Variants in IMPA1 observed in about 807,000 individuals in gnomAD.
IMPA1 encodes the protein inositol monophosphatase 1.
A neutral mutation model predicts 34.9 loss-of-function variants in IMPA1; 21 were observed. The ratio of observed to expected loss-of-function variants is 0.60; its 90% CI spans 0.43 to 0.87. The LOEUF is 0.87. Among genes scored for constraint, IMPA1 ranks in the 40% least tolerant of loss-of-function variants. IMPA1 has a pLI of 0.00. For synonymous variants in IMPA1, 95 were observed against 104.4 expected, an observed-to-expected ratio of 0.91 and a Z score of 0.55; for missense variants, 299 against 336.4, an observed-to-expected ratio of 0.89 and a Z score of 0.87.
chr8:81,669,304 T>C (rs1160954022), intron 7 of IMPA1, among the ~76,000 whole-genome samples: 6 of 152,128 alleles, frequency 3.9e-5, no homozygotes, highest in Non-Finnish European at 8.8e-5. Context: ...ACCAGCAGCA[T>C]GCAAGGTACA....
At chr8:81,686,158 C>T in intron 1 of IMPA1, 94 bp downstream of exon 1, 3 of 912,598 alleles carry the variant, frequency 3.3e-6, no homozygotes, top group Non-Finnish European at 4.2e-6. Flanking sequence ...GCGCACGGCG[C>T]TCGCGCCCGC....
In IMPA1 at chr8:81,658,157, G is replaced by A. The variant is rs866584681; in HGVS notation, c.*1194C>T. 7 of 152,162 alleles carry A rather than the reference G, an allele frequency of 4.6e-5. No homozygotes were observed. The highest frequency in any genetic ancestry group is 7.2e-5 in the African/African-American group (3 of 41,530). 9.4% of individuals were successfully genotyped at this position (152,162 alleles called of 1,614,324 possible). A position where few individuals can be genotyped will look rare whatever the true frequency, so the allele number is the denominator to read the frequency against. On this transcript the variant is annotated 3_prime_UTR_variant, in exon 9 of 9. Coordinates refer to ENST00000256108, the MANE Select transcript of IMPA1 (RefSeq NM_005536.4). ...CACTCCCTACCTTGAAAACTTTACAGAAGCATTTTTAATTTTACAACACAA... is the reference window on the plus strand; with the variant it reads ...CACTCCCTACCTTGAAAACTTTACAAAAGCATTTTTAATTTTACAACACAA...
intron 5 of IMPA1, among the ~76,000 whole-genome samples, chr8:81,675,660 A>G (rs993573648): frequency 4.6e-5 from 7 of 152,198 alleles, no homozygotes; most frequent in Non-Finnish European, 1.5e-5. Context: ...ATAGGTAGGT[A>G]AAATGTTAGT....
chr8:81,674,836 T>C lies in IMPA1; in HGVS notation c.349-887A>G, dbSNP rs984610583. Reference sequence around the variant, plus strand: ...GAAGAACCTACGGTTCCAAACCTAGTCTTGCAGAATTTCAAAGACAAAATC... The same window carrying C: ...GAAGAACCTACGGTTCCAAACCTAGCCTTGCAGAATTTCAAAGACAAAATC... On this transcript the variant is annotated intron_variant, in intron 5 of 8. Coordinates refer to ENST00000256108, the MANE Select transcript of IMPA1 (RefSeq NM_005536.4). 26 of 455,638 alleles carry C rather than the reference T, an allele frequency of 5.7e-5. No individual in the cohort carries two copies. The East Asian group carries it at 1.7e-3, about 29-fold the overall frequency. 28.2% of individuals were successfully genotyped at this position (455,638 alleles called of 1,614,324 possible).
chr8:81,660,815 TA>T, intron 7 of IMPA1, 148 bp from the exon 8 acceptor site: 1 of 474,816 alleles, frequency 2.1e-6, no homozygotes, highest in Non-Finnish European at 3.7e-6. Context: ...AATTGTAAAA[TA>T]AAAATATGTA....
intron 7 of IMPA1, among the ~76,000 whole-genome samples, chr8:81,664,385 C>A (rs204795): frequency 6.6e-6 from 1 of 152,092 alleles, no homozygotes; most frequent in African/African-American, 2.4e-5. Context: ...TAAATAAATT[C>A]TAACAGAGCA....
rs1457015908 is a variant in IMPA1, at chr8:81,658,453, C to T, written c.*898G>A. The T allele has an allele frequency of 6.6e-6, 1 of 152,208 alleles. No homozygotes were observed. The highest frequency in any genetic ancestry group is 1.9e-4 in the East Asian group (1 of 5,200). The allele number at this position is 152,208 out of a possible 1,614,324, so 9.4% of individuals were successfully genotyped here. A position where few individuals can be genotyped will look rare whatever the true frequency, so the allele number is the denominator to read the frequency against. On this transcript the variant is annotated 3_prime_UTR_variant, in exon 9 of 9. Coordinates refer to ENST00000256108, the MANE Select transcript of IMPA1 (RefSeq NM_005536.4). The stretch of plus-strand genomic sequence containing the variant: ...AGCACAATCAAATCAGTATAAACAC[C>T]TTTAAAACATGAATACTGAACTTAG...
At chr8:81,677,148 T>G (rs1003738784) in intron 4 of IMPA1, among the ~76,000 whole-genome samples, 1 of 151,628 alleles carries the variant, frequency 6.6e-6, no homozygotes, top group African/African-American at 2.4e-5. Flanking sequence ...CAGGCTGGAG[T>G]GCAATGGCAC....
rs748984652 is a variant in IMPA1 at position 81,659,301 on chromosome 8, TCA to T, written c.*48_*49del. 3.0e-6 allele frequency: 3 copies of T among 984,090 alleles called. No individual in the cohort carries two copies. The Admixed American group carries it at 5.1e-5, about 17-fold the overall frequency. The allele number at this position is 984,090 out of a possible 1,614,324, so 61.0% of individuals were successfully genotyped here. A position where few individuals can be genotyped will look rare whatever the true frequency, so the allele number is the denominator to read the frequency against. On this transcript the variant is annotated 3_prime_UTR_variant, in exon 9 of 9. Transcript: ENST00000256108. ...TCCAAAACACATATCCATTGATGAG[TCA>T]CCAAATCTGGGGAAAAGCAACTGGG...
At chr8:81,684,588 T>TATATATACTACACATAAGC (rs1563592568) in intron 1 of IMPA1, among the ~76,000 whole-genome samples, 8 of 132,406 alleles carry the variant, frequency 6.0e-5, no homozygotes, top group African/African-American at 2.2e-4. Flanking sequence ...TACACATAAG[T>TATATATACTACACATAAGC]ATCTTTAGAT....
intron 4 of IMPA1, among the ~76,000 whole-genome samples, chr8:81,676,710 C>T (rs1017066422): frequency 7.2e-5 from 11 of 152,112 alleles, no homozygotes; most frequent in Admixed American, 2.0e-4. Flanking sequence ...TTCATGGCCA[C>T]GCACAGCGGC....
At chr8:81,681,605 T>G in intron 1 of IMPA1, 21 bp from the exon 2 acceptor site, 5 of 1,335,746 alleles carry the variant, frequency 3.7e-6, no homozygotes, top group East Asian at 2.3e-5. Flanking sequence ...TAGTTATAAC[T>G]GTCTTAGAAG....
intron 7 of IMPA1, among the ~76,000 whole-genome samples, chr8:81,662,210 G>A (rs1049204536): frequency 3.9e-5 from 6 of 152,128 alleles, no homozygotes; most frequent in Non-Finnish European, 7.4e-5. Flanking sequence ...TTTAGTGGCA[G>A]TTTTTTAGTT....
Position 81,676,761 on chromosome 8 carries a change from G to A in IMPA1, c.303-482C>T, listed in dbSNP as rs564717575. On this transcript the variant is annotated intron_variant, in intron 4 of 8. Coordinates refer to ENST00000256108, the MANE Select transcript of IMPA1 (RefSeq NM_005536.4). The stretch of plus-strand genomic sequence containing the variant: ...CTAATTTAGCAGGCCAAAGCAGGAA[G>A]ATCACTTGGGCCCAGGAGTTCGAGA... 1.4e-4 allele frequency among the ~76,000 whole-genome samples: 22 copies of A among 152,050 alleles called. 1 individual carries two copies. Among genetic ancestry groups the A allele is most frequent in the African/African-American group, 4.6e-4 (19 of 41,534 alleles).
At chr8:81,684,114 T>TATAC (rs1554586729) in intron 1 of IMPA1, among the ~76,000 whole-genome samples, 15 of 139,748 alleles carry the variant, frequency 1.1e-4, no homozygotes, top group East Asian at 2.2e-4. Context: ...TATATATATA[T>TATAC]ACACACACAC....
chr8:81,662,149 C>A (rs897876588), intron 7 of IMPA1, among the ~76,000 whole-genome samples: 1 of 152,144 alleles, frequency 6.6e-6, no homozygotes, highest in African/African-American at 2.4e-5. Flanking sequence ...GTAGTAAGTG[C>A]ACCAAATTTC....
intron 8 of IMPA1, among the ~76,000 whole-genome samples, chr8:81,660,141 G>A (rs150368580): frequency 1.2e-4 from 18 of 152,120 alleles, no homozygotes; most frequent in Non-Finnish European, 2.2e-4. Context: ...TTTTTTAATC[G>A]CAAAAAACTC....
At chr8:81,665,379 G>A (rs939744301) in intron 7 of IMPA1, among the ~76,000 whole-genome samples, 3 of 151,974 alleles carry the variant, frequency 2.0e-5, no homozygotes, top group Non-Finnish European at 4.4e-5. Context: ...TGTCAGGAAC[G>A]AAGAATAAAT....
chr8:81,657,777 C>T lies in IMPA1; in HGVS notation c.*1574G>A, dbSNP rs1055205473. Among the ~76,000 whole-genome samples, 1 of 151,882 alleles carries T rather than the reference C, an allele frequency of 6.6e-6. No individual in the cohort carries two copies. The highest frequency in any genetic ancestry group is 1.5e-5 in the Non-Finnish European group (1 of 67,972). Reference sequence around the variant, plus strand: ...CATTAGTAGGGCATGGTGGCATGAACTTATAGTCCCAGCTACTCAGGAGAC... The same window carrying T: ...CATTAGTAGGGCATGGTGGCATGAATTTATAGTCCCAGCTACTCAGGAGAC... On this transcript the variant is annotated 3_prime_UTR_variant, in exon 9 of 9. Coordinates refer to ENST00000256108, the MANE Select transcript of IMPA1 (RefSeq NM_005536.4).
Sources: gnomAD v4.1 joint callset for allele counts (sites outside exome capture counted in the v4.1 genomes callset) on GRCh38, gnomAD v4.1.1 for gene constraint, MANE v1.5 for transcripts, NCBI Gene and HGNC (gene_info 2026-07-23, HGNC 2026-07-21) for gene names.